STARD3: variants seen among roughly 807,000 people sequenced by gnomAD.
STARD3 encodes StAR related lipid transfer domain containing 3.
A neutral mutation model predicts 62.0 loss-of-function variants in STARD3; 39 were observed. That is an observed-to-expected ratio of 0.63 (90% CI 0.49 to 0.82). The LOEUF is 0.82. Among genes scored for constraint, STARD3 ranks in the 40% least tolerant of loss-of-function variants. The probability of loss-of-function intolerance (pLI) is 0.00; values close to 1 mark genes in which losing one functional copy is unlikely to be tolerated. For synonymous variants in STARD3, 229 were observed against 242.4 expected (o/e 0.94, Z 0.51); for missense variants, 543 against 584.5 (o/e 0.93, Z 0.73).
intron 8 of STARD3, 65 bp downstream of exon 8, chr17:39,659,171 G>A: frequency 1.3e-6 from 2 of 1,597,772 alleles, no homozygotes; most frequent in South Asian, 2.2e-5. Context: ...GCGGGTGCAG[G>A]GGTCAGCCGG....
At chr17:39,658,942 C>T in intron 7 of STARD3, 109 bp from the exon 8 acceptor site, 1 of 1,560,758 alleles carries the variant, frequency 6.4e-7, no homozygotes, top group Non-Finnish European at 8.8e-7. Context: ...CAACCCTCTC[C>T]CACACACTTT....
Position 39,663,791 on chromosome 17 carries a change from C to A in STARD3, c.*883C>A, listed in dbSNP as rs2057229265. ...GTGGGGGTATGGGCACCTGGCAGTG[C>A]CCACAGCAAGCCTTGACTGTGTGGC... is the stretch of plus-strand genomic sequence containing the variant. On this transcript the variant is annotated 3_prime_UTR_variant, in exon 15 of 15. Transcript: ENST00000336308. Among the ~76,000 whole-genome samples, 1 of 152,166 alleles carries A rather than the reference C, an allele frequency of 6.6e-6. No homozygotes were observed. The highest frequency in any genetic ancestry group is 2.4e-5 in the African/African-American group (1 of 41,436).
Position 39,660,358 on chromosome 17 carries a change from C to T in STARD3, c.859-73C>T, listed in dbSNP as rs2057182475. 3 of 1,608,498 alleles carry T rather than the reference C, an allele frequency of 1.9e-6. No homozygotes were observed. The highest frequency in any genetic ancestry group is 1.7e-6 in the Non-Finnish European group (2 of 1,175,508). On this transcript the variant is annotated intron_variant, in intron 10 of 14. Coordinates refer to ENST00000336308, the MANE Select transcript of STARD3 (RefSeq NM_006804.4). This position sits in a 1 kb window ranked among gnomAD's most constrained non-coding sequence, Gnocchi z 4.8. Reference sequence around the variant, plus strand: ...GCCGAGGGGCCCTCTGGTGGGTGCCCCCCACCAAGAGGGAAGGGTTGGTCT... The same window carrying T: ...GCCGAGGGGCCCTCTGGTGGGTGCCTCCCACCAAGAGGGAAGGGTTGGTCT...
intron 8 of STARD3, 143 bp downstream of exon 8, chr17:39,659,249 C>G (rs967182774): frequency 1.7e-6 from 2 of 1,146,186 alleles, no homozygotes; most frequent in African/African-American, 3.1e-5. Flanking sequence ...TCCCCCACCA[C>G]CAGTCCGGCC....
Position 39,661,103 on chromosome 17 carries a change from T to C in STARD3, c.1139+18T>C, listed in dbSNP as rs1219561379. 1 of 1,610,234 alleles carries C rather than the reference T, an allele frequency of 6.2e-7. No homozygotes were observed. The highest frequency in any genetic ancestry group is 1.1e-5 in the South Asian group (1 of 90,990). ...TATGTCCGGTGAGCCTCACTTTGCCTGGGGTCACCCCTGCCAGCCCCTCCC... is the reference window on the plus strand; with the variant it reads ...TATGTCCGGTGAGCCTCACTTTGCCCGGGGTCACCCCTGCCAGCCCCTCCC... On this transcript the variant is annotated intron_variant, in intron 13 of 14. Transcript: ENST00000336308.
chr17:39,656,863 C>T, intron 2 of STARD3, 145 bp from the exon 3 acceptor site: 1 of 713,836 alleles, frequency 1.4e-6, no homozygotes, highest in East Asian at 2.7e-5. Context: ...CTTGGTGCTT[C>T]CAGGGCCCCC....
Position 39,660,813 on chromosome 17 carries a change from C to G in STARD3, c.958C>G (p.Leu320Val), listed in dbSNP as rs1382748332. Reference protein sequence around the residue: ...WNKTVTACQILQRVEDNTLIS... With the variant: ...WNKTVTACQIVQRVEDNTLIS... ...AGTCTCCGTTGACGGCCCTCAGATC[C>G]TGCAGCGAGTGGAAGACAACACCCT... is the stretch of plus-strand genomic sequence containing the variant. The change falls in exon 12 of 15, where the codon CTG becomes GTG. Residue 320 changes from leucine to valine, a missense_variant. Physicochemically the swap from Leu to Val is conservative, Grantham distance 32. Transcript: ENST00000336308. This position sits in a 1 kb window ranked among gnomAD's most constrained non-coding sequence, Gnocchi z 4.8. 2 of 1,581,742 alleles carry G rather than the reference C, an allele frequency of 1.3e-6. No homozygotes were observed. Among genetic ancestry groups the G allele is most frequent in the Non-Finnish European group, 1.7e-6 (2 of 1,163,872 alleles).
chr17:39,655,656 G>A (rs1174405378), intron 2 of STARD3, among the ~76,000 whole-genome samples: 1 of 152,192 alleles, frequency 6.6e-6, no homozygotes, highest in Non-Finnish European at 1.5e-5. Flanking sequence ...TCCACATGAT[G>A]TTTCCCTTGG....
intron 1 of STARD3, 165 bp from the exon 2 acceptor site, chr17:39,653,316 C>A: frequency 1.7e-6 from 1 of 605,384 alleles, no homozygotes; most frequent in Non-Finnish European, 2.9e-6. Context: ...AACCCTGCAG[C>A]CTGGGAGCCA....
intron 1 of STARD3, among the ~76,000 whole-genome samples, chr17:39,639,482 G>A (rs543235715): frequency 4.1e-4 from 63 of 152,348 alleles, no homozygotes; most frequent in African/African-American, 1.5e-3. Flanking sequence ...ATAAAGCGAT[G>A]GGAGGATTTT....
chr17:39,644,355 G>T (rs2057006184), intron 1 of STARD3, among the ~76,000 whole-genome samples: 1 of 152,134 alleles, frequency 6.6e-6, no homozygotes, highest in Admixed American at 6.5e-5. Flanking sequence ...AGTGGTGGTG[G>T]TAGTTAATGT....
At chr17:39,654,748 A>C (rs1221087952) in intron 2 of STARD3, among the ~76,000 whole-genome samples, 1 of 152,256 alleles carries the variant, frequency 6.6e-6, no homozygotes, top group East Asian at 1.9e-4. Flanking sequence ...TGGGCTCCCC[A>C]TCAGACTTCC....
At position 39,660,967 on chromosome 17, in the gene STARD3, C is replaced by G. The variant is rs553468892; in HGVS notation, c.1035-14C>G. The stretch of plus-strand genomic sequence containing the variant: ...TTGGGTCATTGTCCCCTGAACTAAC[C>G]CTCCCTCCCGCAGGGACTTCGTGAA... On this transcript the variant is annotated splice_polypyrimidine_tract_variant and intron_variant, in intron 12 of 14. Transcript: ENST00000336308. The surrounding 1 kb of genome is among the most constrained non-coding windows in gnomAD (Gnocchi z 4.8). The G allele has an allele frequency of 1.2e-6, 2 of 1,613,440 alleles. No homozygotes were observed. The highest frequency in any genetic ancestry group is 8.5e-7 in the Non-Finnish European group (1 of 1,179,794).
rs1425365868 is a variant in STARD3 at position 39,653,635 on chromosome 17, A to G, written c.104A>G (p.His35Arg). Residue 35 changes from histidine to arginine, a missense_variant, in exon 2 of 15, where the codon CAC becomes CGC. Physicochemically the swap from His to Arg is conservative, Grantham distance 29. Coordinates refer to ENST00000336308, the MANE Select transcript of STARD3 (RefSeq NM_006804.4). ...SLSHSQSLSS[H>R]LLPPPEKRRA... is the part of the protein sequence containing the mutation. ...TCCCACAGCCAGAGCCTCTCCTCGC[A>G]CCTCCTTCCGCCGCCTGAGAAGCGA... 6.2e-7 allele frequency: 1 copy of G among 1,613,642 alleles called. No individual in the cohort carries two copies. The highest frequency in any genetic ancestry group is 8.5e-7 in the Non-Finnish European group (1 of 1,179,988).
chr17:39,659,435 C>T, intron 8 of STARD3, 26 bp from the exon 9 acceptor site: 1 of 1,609,504 alleles, frequency 6.2e-7, no homozygotes, highest in East Asian at 2.2e-5. Context: ...CAGGCTGACC[C>T]CTCCCTGCCT....
At position 39,658,819 on chromosome 17, in the gene STARD3, A is replaced by G. The variant is rs1247310657; in HGVS notation, c.645A>G (p.Ala215=). 1.9e-6 allele frequency: 3 copies of G among 1,613,796 alleles called. No homozygotes were observed. The South Asian group carries it at 3.3e-5, about 18-fold the overall frequency. The change falls in exon 7 of 15, where the codon GCA becomes GCG. Residue 215 remains alanine (A), a splice_region_variant and synonymous_variant. Coordinates refer to ENST00000336308, the MANE Select transcript of STARD3 (RefSeq NM_006804.4). ...GQFYSPPESF[A]GSDNESDEEV... ...TCTATTCACCCCCAGAATCCTTTGC[A>G]GGTGAGGGCTGGTGTGTGGGGGAAC... is the stretch of plus-strand genomic sequence containing the variant.
Position 39,660,029 on chromosome 17 carries a change from C to T in STARD3, c.796-182C>T, listed in dbSNP as rs913696220. 3.2e-6 allele frequency: 2 copies of T among 616,030 alleles called. No homozygotes were observed. Among genetic ancestry groups the T allele is most frequent in the Non-Finnish European group, 2.9e-6 (1 of 346,558 alleles). 38.2% of individuals were successfully genotyped at this position (616,030 alleles called of 1,614,324 possible). A position where few individuals can be genotyped will look rare whatever the true frequency, so the allele number is the denominator to read the frequency against. ...TTAACTCGACATCAAAAGCCTCTCT[C>T]CTGCCAGTGCCATAGGTTTGTTAGA... On this transcript the variant is annotated intron_variant, in intron 9 of 14. Coordinates refer to ENST00000336308, the MANE Select transcript of STARD3 (RefSeq NM_006804.4). This position sits in a 1 kb window ranked among gnomAD's most constrained non-coding sequence, Gnocchi z 4.8.
rs749062885 is a variant in STARD3 at position 39,653,512 on chromosome 17, T to C, written c.-20T>C. 9 of 1,599,246 alleles carry C rather than the reference T, an allele frequency of 5.6e-6. No individual in the cohort carries two copies. The highest frequency in any genetic ancestry group is 1.7e-5 in the Admixed American group (1 of 59,918). ...TGCTGAGGCCGCGCCCTCCCCGCCC[T>C]GAGGTGGGGGCCCACCAGGATGAGC... is the stretch of plus-strand genomic sequence containing the variant. On this transcript the variant is annotated 5_prime_UTR_variant, in exon 2 of 15. Transcript: ENST00000336308.
At chr17:39,658,876 G>A in intron 7 of STARD3, 56 bp downstream of exon 7, 2 of 1,593,442 alleles carry the variant, frequency 1.3e-6, no homozygotes, top group East Asian at 2.2e-5. Flanking sequence ...TGAGGAATGG[G>A]GTAGGCTGGG....
Sources: gnomAD v4.1 joint callset for allele counts (sites outside exome capture counted in the v4.1 genomes callset) on GRCh38, gnomAD v4.1.1 for gene constraint, Gnocchi (gnomAD v3.1) non-coding constraint, MANE v1.5 for transcripts, NCBI Gene and HGNC (gene_info 2026-07-23, HGNC 2026-07-21) for gene names.